Variants in SYNE3 observed in about 807,000 individuals in gnomAD.
SYNE3 encodes the protein spectrin repeat containing nuclear envelope family member 3.
Under a neutral mutation model 111.2 loss-of-function variants are expected in SYNE3, and 100 were observed. The ratio of observed to expected loss-of-function variants is 0.90; its 90% CI spans 0.77 to 1.06. SYNE3 has a LOEUF of 1.06. Among genes scored for constraint, SYNE3 ranks in the 50% least tolerant of loss-of-function variants. The probability of loss-of-function intolerance (pLI) is 0.00; values close to 1 mark genes in which losing one functional copy is unlikely to be tolerated. For missense variants in SYNE3, 1,160 were observed against 1,240.3 expected, an observed-to-expected ratio of 0.94 and a Z score of 0.97; for synonymous variants, 547 against 533.9, an observed-to-expected ratio of 1.02 and a Z score of -0.34.
intron 1 of SYNE3, among the ~76,000 whole-genome samples, chr14:95,511,743 A>T (rs187038293): frequency 0.013 from 1,925 of 152,076 alleles, 13 homozygotes; most frequent in Non-Finnish European, 0.019. Flanking sequence ...TAAATTAAAT[A>T]AAATAAATAA....
chr14:95,505,711 A>G (rs548893889), intron 1 of SYNE3, among the ~76,000 whole-genome samples: 1 of 152,102 alleles, frequency 6.6e-6, no homozygotes, highest in Admixed American at 6.5e-5. Context: ...TTTACCTTAA[A>G]TAAAAAAACA....
In SYNE3 at chr14:95,421,090, T is replaced by A. The variant is rs780277716; in HGVS notation, c.2728-3064A>T. Among the ~76,000 whole-genome samples, 4 of 152,338 alleles carry A rather than the reference T, an allele frequency of 2.6e-5. 1 individual carries two copies. In the Middle Eastern group the frequency reaches 0.01, roughly 389 times the overall value. On this transcript the variant is annotated intron_variant, in intron 17 of 17. Coordinates refer to ENST00000682763, the MANE Select transcript of SYNE3 (RefSeq NM_152592.6). ...CATGTAAGATGTGCCTTTCTTCTTC[T>A]GCCATAATTGTGAGGCCTCCCCAGC...
chr14:95,408,742 G>T lies in SYNE3; in HGVS notation c.*9084C>A. ...TTCACATGCACACACAGCTTCCTCT[G>T]TCCGCTTCCTCCTCCCCAGTAAAAC... On this transcript the variant is annotated 3_prime_UTR_variant, in exon 18 of 18. Coordinates refer to ENST00000682763, the MANE Select transcript of SYNE3 (RefSeq NM_152592.6). 2.6e-5 allele frequency: 4 copies of T among 150,958 alleles called. No homozygotes were observed. Among genetic ancestry groups the T allele is most frequent in the South Asian group, 1.4e-4 (1 of 7,264 alleles). The allele number at this position is 150,958 out of a possible 1,614,324, so 9.4% of individuals were successfully genotyped here.
chr14:95,480,021 G>A (rs997986909), intron 1 of SYNE3, among the ~76,000 whole-genome samples: 6 of 152,086 alleles, frequency 3.9e-5, no homozygotes, highest in Non-Finnish European at 7.3e-5. Flanking sequence ...GAGAAGTTTC[G>A]TCTCTGGACT....
At chr14:95,435,747 G>A (rs1886049408) in intron 15 of SYNE3, among the ~76,000 whole-genome samples, 2 of 152,182 alleles carry the variant, frequency 1.3e-5, no homozygotes, top group African/African-American at 2.4e-5. Context: ...CATAAAAATA[G>A]GGAAACAGAA....
At chr14:95,496,960 G>T (rs1365278998) in intron 1 of SYNE3, among the ~76,000 whole-genome samples, 1 of 152,226 alleles carries the variant, frequency 6.6e-6, no homozygotes, top group Non-Finnish European at 1.5e-5. Context: ...TTAGGGCTCT[G>T]CACTTGCTCT....
At chr14:95,428,568 G>A (rs1885564174) in intron 17 of SYNE3, among the ~76,000 whole-genome samples, 1 of 152,152 alleles carries the variant, frequency 6.6e-6, no homozygotes, top group Non-Finnish European at 1.5e-5. Flanking sequence ...CTGCAAACTA[G>A]CACTGCCCTA....
chr14:95,436,690 G>T (rs729667), intron 15 of SYNE3, 130 bp downstream of exon 15: 4 of 1,089,442 alleles, frequency 3.7e-6, no homozygotes, highest in South Asian at 3.4e-5. Context: ...GTTTAAAAGC[G>T]ATTATCTATA....
At chr14:95,502,419 G>A (rs779691634) in intron 1 of SYNE3, among the ~76,000 whole-genome samples, 2 of 152,100 alleles carry the variant, frequency 1.3e-5, no homozygotes, top group African/African-American at 4.8e-5. Flanking sequence ...TACAGCCTGT[G>A]TGTCCTGCCT....
intron 4 of SYNE3, among the ~76,000 whole-genome samples, chr14:95,462,886 A>G (rs908908882): frequency 6.6e-6 from 1 of 152,244 alleles, no homozygotes; most frequent in African/African-American, 2.4e-5. Flanking sequence ...AAGGCCAGGT[A>G]CAGTGGCTCA....
At chr14:95,423,644 TTTTGATGGGGATGGGGA>T (rs1885269025) in intron 17 of SYNE3, among the ~76,000 whole-genome samples, 1 of 35,126 alleles carries the variant, frequency 2.8e-5, no homozygotes, top group Non-Finnish European at 6.2e-5. Context: ...GGGGATGGGG[TTTTGATGGGGATGGGGA>T]TTTGATGGGG....
At chr14:95,491,886 A>G (rs1889869838) in intron 1 of SYNE3, among the ~76,000 whole-genome samples, 1 of 152,226 alleles carries the variant, frequency 6.6e-6, no homozygotes, top group African/African-American at 2.4e-5. Flanking sequence ...AGAAAATCCA[A>G]AGAACTCTTA....
intron 17 of SYNE3, among the ~76,000 whole-genome samples, chr14:95,418,854 G>T (rs188974935): frequency 6.6e-6 from 1 of 152,036 alleles, no homozygotes; most frequent in East Asian, 1.9e-4. Flanking sequence ...CACCCTCCTT[G>T]GCCTCCCAAA....
chr14:95,501,374 G>A (rs752668919), intron 1 of SYNE3, among the ~76,000 whole-genome samples: 2 of 152,158 alleles, frequency 1.3e-5, no homozygotes, highest in South Asian at 2.1e-4. Context: ...CCTGTCATAC[G>A]GGAGGCCTCG....
chr14:95,442,909 G>A (rs771617145), intron 11 of SYNE3, among the ~76,000 whole-genome samples: 2 of 152,208 alleles, frequency 1.3e-5, no homozygotes, highest in Non-Finnish European at 2.9e-5. Context: ...ACTCCCAGGA[G>A]AGCAGGGGCC....
intron 2 of SYNE3, among the ~76,000 whole-genome samples, chr14:95,471,137 A>C (rs1357102367): frequency 6.6e-6 from 1 of 152,210 alleles, no homozygotes; most frequent in Non-Finnish European, 1.5e-5. Flanking sequence ...ATGATTCTCT[A>C]CAGCTGCCAG....
At chr14:95,488,490 A>G (rs1889664333) in intron 1 of SYNE3, among the ~76,000 whole-genome samples, 1 of 152,120 alleles carries the variant, frequency 6.6e-6, no homozygotes, top group South Asian at 2.1e-4. Context: ...TTGTGTAAAT[A>G]CCTAGGAGTG....
chr14:95,431,679 G>T (rs764744900), intron 17 of SYNE3, among the ~76,000 whole-genome samples: 8 of 152,306 alleles, frequency 5.3e-5, no homozygotes, highest in South Asian at 2.1e-4. Context: ...TCCATCACCA[G>T]GGTGGCCACA....
At chr14:95,424,748 G>A (rs140435019) in intron 17 of SYNE3, among the ~76,000 whole-genome samples, 5 of 152,266 alleles carry the variant, frequency 3.3e-5, no homozygotes, top group East Asian at 3.9e-4. Context: ...CAAACTGTCC[G>A]GCCTGTACTC....
Sources: allele counts gnomAD v4.1 joint callset (sites outside exome capture counted in the v4.1 genomes callset), GRCh38; gene constraint gnomAD v4.1.1; transcripts MANE v1.5; gene names NCBI Gene and HGNC (gene_info 2026-07-23, HGNC 2026-07-21).